The following ALK variants were observed in gnomAD, a reference collection of about 807,000 sequenced individuals.
ALK encodes the protein ALK tyrosine kinase receptor.
In ALK, 74 loss-of-function variants were observed where a neutral mutation model predicts 163.1. The observed-to-expected ratio is 0.45, with a 90% CI of 0.38 to 0.55. The LOEUF is 0.55. Among genes scored for constraint, ALK ranks in the 20% least tolerant of loss-of-function variants. The probability of loss-of-function intolerance (pLI) is 0.00; values close to 1 mark genes in which losing one functional copy is unlikely to be tolerated. For synonymous variants in ALK, 960 were observed against 843.2 expected (o/e 1.14, Z -2.40); for missense variants, 2,063 against 2,105.3 (o/e 0.98, Z 0.39).
intron 4 of ALK, among the ~76,000 whole-genome samples, chr2:29,501,261 C>G (rs1672166475): frequency 6.6e-6 from 1 of 152,208 alleles, no homozygotes; most frequent in Non-Finnish European, 1.5e-5. Flanking sequence ...TACTGAATGT[C>G]AATGTCTTAT....
At chr2:29,325,534 A>T (rs1244147615) in intron 6 of ALK, among the ~76,000 whole-genome samples, 12 of 151,846 alleles carry the variant, frequency 7.9e-5, no homozygotes, top group Admixed American at 7.9e-4. Flanking sequence ...AGGGCCCTGG[A>T]CCTCCCTGTC....
chr2:29,890,318 A>G (rs1260960200), intron 1 of ALK: 1 of 81,126 alleles, frequency 1.2e-5, no homozygotes, highest in Non-Finnish European at 2.6e-5. Flanking sequence ...CCAGAGTCAA[A>G]CAGGCCTGGG....
At chr2:29,578,331 C>T (rs1025688585) in intron 3 of ALK, among the ~76,000 whole-genome samples, 4 of 152,184 alleles carry the variant, frequency 2.6e-5, no homozygotes, top group Non-Finnish European at 5.9e-5. Context: ...TGTAAATTGC[C>T]CAGTCTCAGG....
chr2:29,262,979 G>A (rs375104032), intron 11 of ALK, among the ~76,000 whole-genome samples: 2 of 152,366 alleles, frequency 1.3e-5, no homozygotes, highest in South Asian at 4.1e-4. Flanking sequence ...GTTAAGGGAG[G>A]CCTCAGGGCT....
chr2:29,200,909 C>T (rs1669162034), intron 26 of ALK, among the ~76,000 whole-genome samples: 1 of 142,714 alleles, frequency 7.0e-6, no homozygotes, highest in Non-Finnish European at 1.5e-5. Flanking sequence ...TGGTATTAAA[C>T]TTGCTCTGCC....
chr2:29,218,090 C>T (rs1202266859), intron 23 of ALK, among the ~76,000 whole-genome samples: 1 of 152,168 alleles, frequency 6.6e-6, no homozygotes, highest in African/African-American at 2.4e-5. Flanking sequence ...GCCACAAACA[C>T]ATCTGCATTG....
intron 1 of ALK, among the ~76,000 whole-genome samples, chr2:29,910,151 A>C (rs1456603416): frequency 6.6e-6 from 1 of 152,206 alleles, no homozygotes; most frequent in Admixed American, 6.5e-5. Context: ...TTAGAGAAAG[A>C]CATAAACATA....
intron 16 of ALK, among the ~76,000 whole-genome samples, chr2:29,228,582 C>T (rs1664083365): frequency 6.6e-6 from 1 of 152,066 alleles, no homozygotes; most frequent in Non-Finnish European, 1.5e-5. Flanking sequence ...TGGGGGAGTC[C>T]TTATGGGTGA....
chr2:29,516,833 A>T (rs1193234527), intron 4 of ALK, among the ~76,000 whole-genome samples: 1 of 152,234 alleles, frequency 6.6e-6, no homozygotes, highest in Admixed American at 6.5e-5. Flanking sequence ...TTGTTATTTG[A>T]CAGCAATGAG....
At chr2:29,895,976 G>A (rs1206360426) in intron 1 of ALK, among the ~76,000 whole-genome samples, 1 of 152,196 alleles carries the variant, frequency 6.6e-6, no homozygotes, top group African/African-American at 2.4e-5. Context: ...TTCTGACACA[G>A]CTCTCTCCAT....
intron 12 of ALK, among the ~76,000 whole-genome samples, chr2:29,242,556 A>G (rs1419487355): frequency 2.0e-5 from 3 of 152,096 alleles, no homozygotes; most frequent in Admixed American, 2.0e-4. Context: ...AGCCAGCCCC[A>G]TCTATGTCTT....
chr2:29,349,824 G>T (rs538542785), intron 5 of ALK, among the ~76,000 whole-genome samples: 32 of 152,192 alleles, frequency 2.1e-4, no homozygotes, highest in Non-Finnish European at 4.1e-4. Flanking sequence ...TGTACAGTGC[G>T]ACTGTGGGGA....
At chr2:29,735,958 G>A (rs150749292) in intron 1 of ALK, among the ~76,000 whole-genome samples, 2 of 152,130 alleles carry the variant, frequency 1.3e-5, no homozygotes, top group East Asian at 3.9e-4. Context: ...AACCTTGTAA[G>A]TTAGAGATTA....
At chr2:29,231,961 C>G (rs1664220866) in intron 15 of ALK, among the ~76,000 whole-genome samples, 1 of 152,172 alleles carries the variant, frequency 6.6e-6, no homozygotes, top group Admixed American at 6.5e-5. Flanking sequence ...TTTTTTTCAC[C>G]TGCTCATATC....
chr2:29,316,772 AT>A (rs1159447647), intron 8 of ALK, among the ~76,000 whole-genome samples: 5 of 152,220 alleles, frequency 3.3e-5, no homozygotes, highest in Non-Finnish European at 5.9e-5. Context: ...ACACAATTTA[AT>A]TTAATGAATC....
chr2:29,627,685 G>A (rs1437008376), intron 3 of ALK, among the ~76,000 whole-genome samples: 1 of 152,170 alleles, frequency 6.6e-6, no homozygotes, highest in Non-Finnish European at 1.5e-5. Context: ...GGGGGTGGGA[G>A]GATGAATACT....
At chr2:29,278,341 C>A (rs190847140) in intron 9 of ALK, among the ~76,000 whole-genome samples, 2 of 152,234 alleles carry the variant, frequency 1.3e-5, no homozygotes, top group African/African-American at 4.8e-5. Context: ...AAATGGAGAG[C>A]CACTGGAGGT....
intron 1 of ALK, among the ~76,000 whole-genome samples, chr2:29,873,607 A>T (rs1394444628): frequency 6.6e-6 from 1 of 152,300 alleles, no homozygotes; most frequent in East Asian, 1.9e-4. Flanking sequence ...CAGAATCCAG[A>T]AGGTGCCTAA....
intron 1 of ALK, among the ~76,000 whole-genome samples, chr2:29,724,869 C>G (rs1356653337): frequency 6.6e-6 from 1 of 152,142 alleles, no homozygotes; most frequent in Non-Finnish European, 1.5e-5. Context: ...CCCATCCTGC[C>G]AGAGAAGTTT....
Sources: gnomAD v4.1 joint callset for allele counts (sites outside exome capture counted in the v4.1 genomes callset) on GRCh38, gnomAD v4.1.1 for gene constraint, MANE v1.5 for transcripts, NCBI Gene and HGNC (gene_info 2026-07-23, HGNC 2026-07-21) for gene names.